The following RIN3 variants were observed in gnomAD, a reference collection of about 807,000 sequenced individuals.
RIN3 encodes Ras and Rab interactor 3.
In RIN3, 54 loss-of-function variants were observed where a neutral mutation model predicts 76.3. The observed-to-expected ratio is 0.71, with a 90% confidence interval of 0.57 to 0.89. RIN3 has a LOEUF of 0.89. Ranked by LOEUF, RIN3 falls within the 40% of genes least tolerant of loss-of-function variation. The pLI is 0.00. For missense variants in RIN3, 1,256 were observed against 1,322.1 expected (o/e 0.95, Z 0.78); for synonymous variants, 576 against 564.0 (o/e 1.02, Z -0.30).
chr14:92,637,871 T>C (rs1453412137), intron 4 of RIN3, among the ~76,000 whole-genome samples: 5 of 152,190 alleles, frequency 3.3e-5, no homozygotes, highest in African/African-American at 1.2e-4. Context: ...TGTTTCAGTG[T>C]TTCTGTCAGA....
chr14:92,562,983 G>A (rs1031154791), intron 2 of RIN3, among the ~76,000 whole-genome samples: 1 of 152,138 alleles, frequency 6.6e-6, no homozygotes, highest in Non-Finnish European at 1.5e-5. Context: ...TTGTGATATA[G>A]ACCAGCCATC....
intron 1 of RIN3, among the ~76,000 whole-genome samples, chr14:92,555,126 T>C (rs1348577429): frequency 6.6e-6 from 1 of 152,196 alleles, no homozygotes; most frequent in Non-Finnish European, 1.5e-5. Flanking sequence ...TGTAGACATA[T>C]GTAAAAATGT....
Position 92,652,108 on chromosome 14 carries a change from C to A in RIN3, c.1059C>A (p.Pro353=). 6.2e-7 allele frequency: 1 copy of A among 1,607,468 alleles called. No individual in the cohort carries two copies. The highest frequency in any genetic ancestry group is 2.2e-5 in the East Asian group (1 of 44,860). The change falls in exon 6 of 10, where the codon CCC becomes CCA. Residue 353 remains proline, a synonymous_variant. Transcript: ENST00000216487. This position sits in a 1 kb window ranked among gnomAD's most constrained non-coding sequence, Gnocchi z 6.4. The part of the protein sequence containing the change: ...RLPCPTAGLG[P]LREEAMKPGA... ...CATGCCCCACTGCAGGCCTGGGCCCCCTCAGGGAGGAAGCGATGAAGCCAG... is the reference window on the plus strand; with the variant it reads ...CATGCCCCACTGCAGGCCTGGGCCCACTCAGGGAGGAAGCGATGAAGCCAG...
At chr14:92,516,997 A>G (rs1896460715) in intron 1 of RIN3, among the ~76,000 whole-genome samples, 1 of 152,226 alleles carries the variant, frequency 6.6e-6, no homozygotes, top group South Asian at 2.1e-4. Flanking sequence ...TTTTGGAGAC[A>G]GGAGTCTGAG....
At position 92,688,905 on chromosome 14, in the gene RIN3, G is replaced by C. The variant is rs1437834884; in HGVS notation, c.*653G>C. 2 of 152,646 alleles carry C rather than the reference G, an allele frequency of 1.3e-5. No individual in the cohort carries two copies. The highest frequency in any genetic ancestry group is 2.4e-5 in the African/African-American group (1 of 41,408). 9.5% of individuals were successfully genotyped at this position (152,646 alleles called of 1,614,324 possible). On this transcript the variant is annotated 3_prime_UTR_variant, in exon 10 of 10. Coordinates refer to ENST00000216487, the MANE Select transcript of RIN3 (RefSeq NM_024832.5). ...CCAGCCCCGCCTCAGGGAAAACAGG[G>C]CCTTTCCCTACAGGACACGCCCCAG...
chr14:92,561,161 A>T (rs12879680), intron 2 of RIN3, among the ~76,000 whole-genome samples: 2 of 139,646 alleles, frequency 1.4e-5, no homozygotes, highest in Non-Finnish European at 3.1e-5. Flanking sequence ...ATATATATTT[A>T]TATATATATA....
intron 3 of RIN3, among the ~76,000 whole-genome samples, chr14:92,615,009 A>G (rs1030463661): frequency 5.9e-5 from 9 of 151,474 alleles, no homozygotes; most frequent in African/African-American, 2.2e-4. Flanking sequence ...ACACCGGCTA[A>G]TTTTTTGTAT....
intron 7 of RIN3, 69 bp from the exon 8 acceptor site, chr14:92,676,405 AC>A (rs923197659): frequency 6.4e-7 from 1 of 1,571,484 alleles, no homozygotes; most frequent in African/African-American, 1.3e-5. Context: ...ACTGTCCCCT[AC>A]CCTGGGCAGA....
intron 3 of RIN3, among the ~76,000 whole-genome samples, chr14:92,605,354 G>A (rs550573614): frequency 2.0e-5 from 3 of 152,206 alleles, no homozygotes; most frequent in East Asian, 1.9e-4. Context: ...TATTAACAAC[G>A]ACTATTGTCG....
At chr14:92,638,953 A>G (rs1238369145) in intron 4 of RIN3, among the ~76,000 whole-genome samples, 4 of 152,210 alleles carry the variant, frequency 2.6e-5, no homozygotes, top group African/African-American at 2.4e-5. Context: ...CCAAGGGGCC[A>G]TGGGGGCACC....
chr14:92,628,738 G>A (rs1172844379), intron 4 of RIN3, among the ~76,000 whole-genome samples: 3 of 152,140 alleles, frequency 2.0e-5, no homozygotes, highest in East Asian at 1.9e-4. Flanking sequence ...TGAAACATGC[G>A]AGTTTGCTCT....
intron 1 of RIN3, among the ~76,000 whole-genome samples, chr14:92,528,871 T>C (rs907066450): frequency 3.3e-5 from 5 of 152,160 alleles, no homozygotes; most frequent in African/African-American, 1.2e-4. Context: ...GTTCTGGGGC[T>C]GGCAGAGGCT....
intron 2 of RIN3, among the ~76,000 whole-genome samples, chr14:92,566,237 A>G (rs1897912767): frequency 1.3e-5 from 2 of 152,012 alleles, no homozygotes; most frequent in Non-Finnish European, 2.9e-5. Context: ...GTGTTCCCTC[A>G]CTACTCCACC....
chr14:92,659,076 G>T, intron 6 of RIN3, 85 bp from the exon 7 acceptor site: 2 of 1,319,246 alleles, frequency 1.5e-6, no homozygotes, highest in Non-Finnish European at 2.2e-6. Flanking sequence ...AGGGGATGGG[G>T]ATGGCTGTGC....
intron 7 of RIN3, among the ~76,000 whole-genome samples, chr14:92,659,773 A>C (rs2140151352): frequency 6.6e-6 from 1 of 152,314 alleles, no homozygotes; most frequent in African/African-American, 2.4e-5. Context: ...CTGAAACGAT[A>C]CCACAAGCTG....
At chr14:92,585,317 G>C (rs1047020159) in intron 3 of RIN3, among the ~76,000 whole-genome samples, 2 of 152,168 alleles carry the variant, frequency 1.3e-5, no homozygotes, top group African/African-American at 4.8e-5. Context: ...GCTGGTGAAA[G>C]GGTCAAACTT....
At chr14:92,549,697 C>A (rs1897371816) in intron 1 of RIN3, among the ~76,000 whole-genome samples, 1 of 152,160 alleles carries the variant, frequency 6.6e-6, no homozygotes, top group South Asian at 2.1e-4. Context: ...GTCCTGCAGC[C>A]CAGGGACTGG....
Position 92,530,239 on chromosome 14 carries a change from C to T in RIN3, c.44+16263C>T, listed in dbSNP as rs1595391723. 2.0e-5 allele frequency among the ~76,000 whole-genome samples: 3 copies of T among 152,334 alleles called. No homozygotes were observed. The East Asian group carries it at 5.8e-4, about 29-fold the overall frequency. Reference sequence around the variant, plus strand: ...GGTGTTTCCTGAAAATGCACAAATCCTTGGGATATGCACTATCCCTCCAGT... The same window carrying T: ...GGTGTTTCCTGAAAATGCACAAATCTTTGGGATATGCACTATCCCTCCAGT... On this transcript the variant is annotated intron_variant, in intron 1 of 9. Transcript: ENST00000216487.
At chr14:92,536,563 G>A (rs1317008050) in intron 1 of RIN3, among the ~76,000 whole-genome samples, 1 of 151,996 alleles carries the variant, frequency 6.6e-6, no homozygotes, top group Non-Finnish European at 1.5e-5. Context: ...CCAACATGGT[G>A]AAACCCTGTC....
Sources: gnomAD v4.1 joint callset for allele counts (sites outside exome capture counted in the v4.1 genomes callset) on GRCh38, gnomAD v4.1.1 for gene constraint, Gnocchi (gnomAD v3.1) non-coding constraint, MANE v1.5 for transcripts, NCBI Gene and HGNC (gene_info 2026-07-23, HGNC 2026-07-21) for gene names.